The following CSPP1 variants were observed in gnomAD, a reference collection of about 807,000 sequenced individuals.
CSPP1 encodes centrosome and spindle pole-associated protein 1.
In CSPP1, 126 loss-of-function variants were observed where a neutral mutation model predicts 164.4. The observed-to-expected ratio is 0.77, with a 90% CI of 0.66 to 0.89. CSPP1 has a LOEUF of 0.89. CSPP1 is among the 40% of genes least tolerant of loss of function. The pLI is 0.00. For missense variants in CSPP1, 1,395 were observed against 1,449.8 expected, an observed-to-expected ratio of 0.96 and a Z score of 0.61; for synonymous variants, 472 against 476.7, an observed-to-expected ratio of 0.99 and a Z score of 0.13.
intron 15 of CSPP1, among the ~76,000 whole-genome samples, chr8:67,130,717 G>A (rs1007662063): frequency 6.6e-6 from 1 of 152,212 alleles, no homozygotes; most frequent in African/African-American, 2.4e-5. Flanking sequence ...GCTGGGCGCA[G>A]TGGCTCATGC....
At chr8:67,085,514 A>G (rs1810210219) in intron 3 of CSPP1, among the ~76,000 whole-genome samples, 1 of 152,110 alleles carries the variant, frequency 6.6e-6, no homozygotes, top group African/African-American at 2.4e-5. Flanking sequence ...TGATGCATTA[A>G]AATTGTTGTT....
rs11784423 is a variant in CSPP1, at chr8:67,153,929, T to A, written c.2129-95T>A. ...TTAATCTTTGGACTTTTTTTTTTTTTAAAAATGAATTTATTAGCAAACTGT... is the reference window on the plus strand; with the variant it reads ...TTAATCTTTGGACTTTTTTTTTTTTAAAAAATGAATTTATTAGCAAACTGT... On this transcript the variant is annotated intron_variant, in intron 18 of 30. Transcript: ENST00000678616. The A allele has an allele frequency of 0.34, 180,854 of 533,280 alleles. 28,849 individuals carry two copies. Among genetic ancestry groups the A allele is most frequent in the African/African-American group, 0.44 (21,748 of 49,680 alleles). The allele number at this position is 533,280 out of a possible 1,614,324, so 33.0% of individuals were successfully genotyped here.
At chr8:67,179,725 A>G in intron 27 of CSPP1, 138 bp from the exon 28 acceptor site, 1 of 600,058 alleles carries the variant, frequency 1.7e-6, no homozygotes, top group South Asian at 2.1e-5. Context: ...TGAGCATTGG[A>G]ATGTAGTCAG....
intron 4 of CSPP1, among the ~76,000 whole-genome samples, chr8:67,087,374 A>G (rs1810625080): frequency 6.6e-6 from 1 of 152,252 alleles, no homozygotes; most frequent in African/African-American, 2.4e-5. Context: ...TTCAACTAAC[A>G]TATTTTAAAC....
At position 67,181,703 on chromosome 8, in the gene CSPP1, T is replaced by G. The variant is rs528808609; in HGVS notation, c.3220+1777T>G. 2.4e-4 allele frequency among the ~76,000 whole-genome samples: 37 copies of G among 152,288 alleles called. 1 individual carries two copies. The South Asian group carries it at 5.6e-3, about 23-fold the overall frequency. ...ATACACATAAACATAACATTTACCA[T>G]TTTAACCATTTTAAAGTGTACATTG... On this transcript the variant is annotated intron_variant, in intron 28 of 30. Transcript: ENST00000678616.
intron 19 of CSPP1, among the ~76,000 whole-genome samples, chr8:67,155,038 A>C (rs1826413658): frequency 6.6e-6 from 1 of 152,204 alleles, no homozygotes; most frequent in African/African-American, 2.4e-5. Flanking sequence ...ATGGCATTTA[A>C]CATAGTAGAA....
chr8:67,162,982 G>A (rs1330560171), intron 22 of CSPP1, among the ~76,000 whole-genome samples: 13 of 152,156 alleles, frequency 8.5e-5, no homozygotes, highest in East Asian at 7.7e-4. Flanking sequence ...CATTGTCTAC[G>A]ATGAGTGTCT....
intron 1 of CSPP1, chr8:67,069,133 C>T (rs1212110251): frequency 6.6e-6 from 1 of 152,232 alleles, no homozygotes; most frequent in Non-Finnish European, 1.5e-5. Context: ...GGTGTGTGTT[C>T]TCCGTGCATT....
At position 67,161,835 on chromosome 8, in the gene CSPP1, G is replaced by C. The variant is rs1828419474; in HGVS notation, c.2563G>C (p.Val855Leu). 1.2e-6 allele frequency: 2 copies of C among 1,613,280 alleles called. No individual in the cohort carries two copies. Among genetic ancestry groups the C allele is most frequent in the Non-Finnish European group, 1.7e-6 (2 of 1,179,706 alleles). Reference protein sequence around the residue: ...TKHMRQPSPIVPALQNKIASK... With the variant: ...TKHMRQPSPILPALQNKIASK... ...GCACATGAGACAGCCTTCTCCTATA[G>C]TTCCTGCTCTTCAGAACAAAATTGC... The change falls in exon 22 of 31, where the codon GTT (valine) becomes CTT (leucine). Residue 855 changes from valine (V) to leucine (L), a missense_variant. Transcript: ENST00000678616.
intron 21 of CSPP1, 67 bp from the exon 22 acceptor site, chr8:67,161,744 T>C (rs1828399336): frequency 1.3e-6 from 1 of 785,444 alleles, no homozygotes; most frequent in Non-Finnish European, 2.2e-6. Context: ...AAGGGGTGTG[T>C]GTGTGTGTAT....
chr8:67,106,858 A>T (rs917135697), intron 9 of CSPP1, among the ~76,000 whole-genome samples: 18 of 152,168 alleles, frequency 1.2e-4, no homozygotes, highest in African/African-American at 4.3e-4. Context: ...ATATTATTGC[A>T]TTATATTGTC....
chr8:67,128,712 A>G (rs1242128109), intron 15 of CSPP1, among the ~76,000 whole-genome samples: 1 of 152,174 alleles, frequency 6.6e-6, no homozygotes, highest in Non-Finnish European at 1.5e-5. Flanking sequence ...ACTCATTAGC[A>G]CAGACACAAG....
intron 17 of CSPP1, among the ~76,000 whole-genome samples, chr8:67,139,543 T>C (rs561076591): frequency 6.6e-6 from 1 of 152,304 alleles, no homozygotes; most frequent in East Asian, 1.9e-4. Flanking sequence ...CACATGCACA[T>C]GTATGTTTAT....
intron 19 of CSPP1, among the ~76,000 whole-genome samples, chr8:67,154,852 C>T (rs182155488): frequency 3.3e-5 from 5 of 152,234 alleles, no homozygotes; most frequent in African/African-American, 1.2e-4. Context: ...AACTGATTTA[C>T]TAATATATTC....
chr8:67,161,928 G>A lies in CSPP1; in HGVS notation c.2643+13G>A. ...TTCCTTTATTCATGTATGTACTTTTGTTTTTATTTGTTCATCCTAGCTCAG... is the reference window on the plus strand; with the variant it reads ...TTCCTTTATTCATGTATGTACTTTTATTTTTATTTGTTCATCCTAGCTCAG... On this transcript the variant is annotated intron_variant, in intron 22 of 30. Coordinates refer to ENST00000678616, the MANE Select transcript of CSPP1 (RefSeq NM_001382391.1). The A allele has an allele frequency of 6.7e-7, 1 of 1,493,454 alleles. No individual in the cohort carries two copies. Among genetic ancestry groups the A allele is most frequent in the Non-Finnish European group, 9.3e-7 (1 of 1,072,286 alleles). 92.5% of individuals were successfully genotyped at this position (1,493,454 alleles called of 1,614,324 possible).
chr8:67,104,101 A>G (rs1374881546), intron 8 of CSPP1, among the ~76,000 whole-genome samples: 2 of 152,154 alleles, frequency 1.3e-5, no homozygotes, highest in African/African-American at 4.8e-5. Flanking sequence ...TCTATAGTAT[A>G]CAGTGAAGAT....
At chr8:67,176,979 G>A (rs901201097) in intron 26 of CSPP1, among the ~76,000 whole-genome samples, 1 of 150,518 alleles carries the variant, frequency 6.6e-6, no homozygotes, top group Non-Finnish European at 1.5e-5. Flanking sequence ...CCTGAGTCAG[G>A]AGAATTGCTT....
At chr8:67,083,548 AATATATATATAT>A (rs55758408) in intron 3 of CSPP1, 1 of 91,504 alleles carries the variant, frequency 1.1e-5, no homozygotes, top group Non-Finnish European at 2.0e-5. Context: ...AAAAAAAAAA[AATATATATATAT>A]ATATATATAT....
At chr8:67,099,127 C>CT (rs571183532) in intron 7 of CSPP1, among the ~76,000 whole-genome samples, 494 of 147,830 alleles carry the variant, frequency 3.3e-3, no homozygotes, top group South Asian at 5.4e-3. Context: ...TTTAAAATAC[C>CT]TTTTTTTTTT....
Sources: gnomAD v4.1 joint callset for allele counts (sites outside exome capture counted in the v4.1 genomes callset) on GRCh38, gnomAD v4.1.1 for gene constraint, MANE v1.5 for transcripts, NCBI Gene and HGNC (gene_info 2026-07-23, HGNC 2026-07-21) for gene names.